Variants in SGCZ observed in about 807,000 individuals in gnomAD.
The protein encoded by SGCZ is zeta-sarcoglycan.
In SGCZ, 40 loss-of-function variants were observed where a neutral mutation model predicts 41.3. That is an observed-to-expected ratio of 0.97 (90% confidence interval 0.75 to 1.26). SGCZ has a LOEUF of 1.26. Ranked by LOEUF, SGCZ falls within the 50% of genes most tolerant of loss-of-function variation. SGCZ has a pLI of 0.00. For synonymous variants in SGCZ, 206 were observed against 137.5 expected, an observed-to-expected ratio of 1.50 and a Z score of -3.49; for missense variants, 552 against 369.8, an observed-to-expected ratio of 1.49 and a Z score of -4.04.
At chr8:14,277,594 G>C (rs1585311416) in intron 3 of SGCZ, among the ~76,000 whole-genome samples, 1 of 152,252 alleles carries the variant, frequency 6.6e-6, no homozygotes, top group Admixed American at 6.5e-5. Flanking sequence ...TAAATTGCTA[G>C]TAAGATAGTG....
intron 4 of SGCZ, among the ~76,000 whole-genome samples, chr8:14,182,603 A>C (rs1277534837): frequency 6.6e-6 from 1 of 152,174 alleles, no homozygotes; most frequent in Non-Finnish European, 1.5e-5. Flanking sequence ...TTCTCATAAC[A>C]ATGTAGATGG....
chr8:14,507,916 C>A (rs538456164), intron 2 of SGCZ, among the ~76,000 whole-genome samples: 12 of 152,124 alleles, frequency 7.9e-5, no homozygotes, highest in African/African-American at 2.9e-4. Context: ...GGATTACAGG[C>A]ATGCGCCACT....
At position 14,519,114 on chromosome 8, in the gene SGCZ, T is replaced by G. The variant is rs368420281; in HGVS notation, c.234+35618A>C. On this transcript the variant is annotated intron_variant, in intron 2 of 7. Transcript: ENST00000382080. ...AGAGATATATAGTGCCTGCATTTTC[T>G]TCATGATTTTAGTTCTTATAAGTTA... Among the ~76,000 whole-genome samples the G allele has an allele frequency of 3.2e-3, 478 of 151,734 alleles. 3 individuals carry two copies. Among genetic ancestry groups the G allele is most frequent in the African/African-American group, 0.011 (447 of 41,434 alleles).
intron 1 of SGCZ, among the ~76,000 whole-genome samples, chr8:15,152,449 G>A (rs1327420372): frequency 6.6e-6 from 1 of 152,174 alleles, no homozygotes; most frequent in Admixed American, 6.5e-5. Flanking sequence ...TGTTAGAACA[G>A]CCAATGCTTA....
intron 5 of SGCZ, among the ~76,000 whole-genome samples, chr8:14,152,486 A>C (rs1458962417): frequency 6.6e-6 from 1 of 152,206 alleles, no homozygotes; most frequent in Non-Finnish European, 1.5e-5. Flanking sequence ...CTACATAGCA[A>C]GATCCTGTCT....
intron 2 of SGCZ, among the ~76,000 whole-genome samples, chr8:14,436,651 G>C (rs1377134356): frequency 6.6e-6 from 1 of 152,218 alleles, no homozygotes; most frequent in Non-Finnish European, 1.5e-5. Flanking sequence ...GATCCTGCAA[G>C]ATGAAGTGTT....
intron 1 of SGCZ, among the ~76,000 whole-genome samples, chr8:15,013,533 T>G (rs1258753818): frequency 6.6e-6 from 1 of 152,266 alleles, no homozygotes. Flanking sequence ...CCTCCTTCCC[T>G]TTATTCCTTC....
intron 1 of SGCZ, among the ~76,000 whole-genome samples, chr8:14,611,337 TG>T (rs1339852515): frequency 6.6e-6 from 1 of 151,964 alleles, no homozygotes; most frequent in Non-Finnish European, 1.5e-5. Flanking sequence ...GGTCTATGTG[TG>T]TGTGTGTGAA....
chr8:14,376,980 T>C (rs1804155221), intron 2 of SGCZ, among the ~76,000 whole-genome samples: 1 of 152,212 alleles, frequency 6.6e-6, no homozygotes, highest in African/African-American at 2.4e-5. Flanking sequence ...CTGAATTTCC[T>C]GATTGATGAG....
At chr8:14,572,293 A>G (rs1804578624) in intron 1 of SGCZ, among the ~76,000 whole-genome samples, 1 of 152,182 alleles carries the variant, frequency 6.6e-6, no homozygotes, top group Non-Finnish European at 1.5e-5. Flanking sequence ...TAATTTATTC[A>G]TATCGCCAAT....
chr8:15,191,266 G>C (rs73527499), intron 1 of SGCZ, among the ~76,000 whole-genome samples: 1 of 151,744 alleles, frequency 6.6e-6, no homozygotes, highest in African/African-American at 2.4e-5. Context: ...CTAAATTTTC[G>C]CATGATCTAG....
intron 2 of SGCZ, among the ~76,000 whole-genome samples, chr8:14,405,055 G>C (rs529279612): frequency 1.3e-5 from 2 of 152,122 alleles, no homozygotes; most frequent in Non-Finnish European, 2.9e-5. Flanking sequence ...TCCTCCATGT[G>C]GCCCTTGCTC....
intron 1 of SGCZ, among the ~76,000 whole-genome samples, chr8:15,000,600 T>G (rs1444278377): frequency 6.6e-6 from 1 of 152,124 alleles, no homozygotes; most frequent in African/African-American, 2.4e-5. Flanking sequence ...CCATCTTCGC[T>G]TCTCTTTGCC....
intron 6 of SGCZ, among the ~76,000 whole-genome samples, chr8:14,103,890 C>A (rs570992894): frequency 1.3e-5 from 2 of 152,152 alleles, no homozygotes; most frequent in Non-Finnish European, 2.9e-5. Context: ...CGCACAGTAT[C>A]TAAATGTCAA....
chr8:15,145,463 C>T (rs891812633), intron 1 of SGCZ, among the ~76,000 whole-genome samples: 5 of 152,076 alleles, frequency 3.3e-5, no homozygotes, highest in African/African-American at 9.7e-5. Flanking sequence ...CTTAGTATCT[C>T]GGAACTTCTG....
At chr8:15,218,287 A>G (rs746207944) in intron 1 of SGCZ, among the ~76,000 whole-genome samples, 1 of 152,190 alleles carries the variant, frequency 6.6e-6, no homozygotes, top group African/African-American at 2.4e-5. Context: ...CCTATATAAA[A>G]GAGCCTATTG....
At chr8:14,953,734 A>G (rs898608808) in intron 1 of SGCZ, among the ~76,000 whole-genome samples, 1 of 152,192 alleles carries the variant, frequency 6.6e-6, no homozygotes, top group African/African-American at 2.4e-5. Context: ...CGCCTCTAGC[A>G]TGATGTGTTT....
At chr8:14,743,392 A>G (rs1452179609) in intron 1 of SGCZ, among the ~76,000 whole-genome samples, 3 of 152,136 alleles carry the variant, frequency 2.0e-5, no homozygotes, top group Non-Finnish European at 4.4e-5. Flanking sequence ...AGTTTTAAAT[A>G]TTAAATCACT....
At chr8:14,846,342 T>A (rs1419438730) in intron 1 of SGCZ, among the ~76,000 whole-genome samples, 1 of 151,314 alleles carries the variant, frequency 6.6e-6, no homozygotes, top group African/African-American at 2.4e-5. Context: ...AAGAGAAAAA[T>A]CAATGGAATT....
Sources: gnomAD v4.1 joint callset for allele counts (sites outside exome capture counted in the v4.1 genomes callset) on GRCh38, gnomAD v4.1.1 for gene constraint, MANE v1.5 for transcripts, NCBI Gene and HGNC (gene_info 2026-07-23, HGNC 2026-07-21) for gene names.